The following ATRX variants were observed in gnomAD, a reference collection of about 807,000 sequenced individuals.
ATRX encodes ATRX chromatin remodeler.
Under a neutral mutation model 172.6 loss-of-function variants are expected in ATRX, and 12 were observed. That is an observed-to-expected ratio of 0.07 (90% confidence interval 0.04 to 0.11). The LOEUF is 0.11. ATRX is among the 10% of genes least tolerant of loss of function. ATRX has a pLI of 1.00. For synonymous variants in ATRX, 674 were observed against 594.7 expected (o/e 1.13, Z -1.94); for missense variants, 1,368 against 1,767.4 (o/e 0.77, Z 4.05).
rs1255627003 is a variant in ATRX, at chrX:77,654,006, C to T, written c.4317+92G>A. On this transcript the variant is annotated intron_variant, in intron 14 of 34. Coordinates refer to ENST00000373344, the MANE Select transcript of ATRX (RefSeq NM_000489.6). ...AAAATGTAAATAAGCCAGTACAATA[C>T]AATGAATGAATGGAACAGAGAGGTA... is the stretch of plus-strand genomic sequence containing the variant. 3 of 745,148 alleles carry T rather than the reference C, an allele frequency of 4.0e-6. No homozygotes were observed. In the Admixed American group the frequency reaches 6.9e-5, roughly 17 times the overall value. The allele number at this position is 745,148 out of a possible 1,213,427, so 61.4% of individuals were successfully genotyped here.
chrX:77,647,628 T>G (rs2068985757), intron 15 of ATRX, among the ~76,000 whole-genome samples: 2 of 111,932 alleles, frequency 1.8e-5, no homozygotes, highest in African/African-American at 6.5e-5. Context: ...ATACACCACA[T>G]ATTATTCAAA....
At chrX:77,665,444 C>T (rs782784494) in intron 10 of ATRX, among the ~76,000 whole-genome samples, 4 of 111,114 alleles carry the variant, frequency 3.6e-5, no homozygotes, top group Non-Finnish European at 5.7e-5. Context: ...AAAAAGAACA[C>T]GAATTACCAT....
chrX:77,523,549 G>A lies in ATRX; in HGVS notation c.6700-148C>T, dbSNP rs566974801. ...TATATGACAGATTACCTAAAAAACA[G>A]CAGCAAAACATGTAACACCAGCCTC... On this transcript the variant is annotated intron_variant, in intron 30 of 34. Transcript: ENST00000373344. The A allele has an allele frequency of 3.0e-5, 16 of 539,003 alleles. No homozygotes were observed. The Middle Eastern group carries it at 1.7e-3, about 57-fold the overall frequency. 44.4% of individuals were successfully genotyped at this position (539,003 alleles called of 1,213,427 possible). A position where few individuals can be genotyped will look rare whatever the true frequency, so the allele number is the denominator to read the frequency against.
intron 21 of ATRX, among the ~76,000 whole-genome samples, chrX:77,617,930 C>A (rs1557097759): frequency 9.1e-6 from 1 of 109,840 alleles, no homozygotes; most frequent in South Asian, 4.0e-4. Context: ...TGTCACCCAG[C>A]CTGGAGTGTA....
chrX:77,748,074 T>C (rs782541212), intron 1 of ATRX, among the ~76,000 whole-genome samples: 1 of 112,070 alleles, frequency 8.9e-6, no homozygotes, highest in South Asian at 3.7e-4. Context: ...CCCAGTGCTT[T>C]AACTAAACCC....
At chrX:77,606,370 T>C (rs1557090479) in intron 22 of ATRX, among the ~76,000 whole-genome samples, 2 of 111,072 alleles carry the variant, frequency 1.8e-5, no homozygotes. Context: ...TTCCAAGAAG[T>C]ACTAATTCCA....
intron 1 of ATRX, among the ~76,000 whole-genome samples, chrX:77,720,757 G>A (rs1249490943): frequency 8.9e-6 from 1 of 111,860 alleles, no homozygotes; most frequent in Non-Finnish European, 1.9e-5. Flanking sequence ...ACAAAGAGGA[G>A]CTGGTACCAT....
rs143177487 is a variant in ATRX, at chrX:77,773,853, A to G, written c.20+12129T>C. On this transcript the variant is annotated intron_variant, in intron 1 of 34. Transcript: ENST00000373344. Reference sequence around the variant, plus strand: ...GCTGTGAAGGACAAAACATCACTTCATAGTGTTCCTACCAAAATATATAAT... The same window carrying G: ...GCTGTGAAGGACAAAACATCACTTCGTAGTGTTCCTACCAAAATATATAAT... Among the ~76,000 whole-genome samples the G allele has an allele frequency of 4.8e-3, 533 of 111,957 alleles. 13 individuals are homozygous for G. The highest frequency in any genetic ancestry group is 0.036 in the East Asian group (128 of 3,551).
intron 27 of ATRX, among the ~76,000 whole-genome samples, chrX:77,577,142 A>AC (rs1230678634): frequency 8.9e-6 from 1 of 111,738 alleles, no homozygotes; most frequent in Non-Finnish European, 1.9e-5. Flanking sequence ...ACCCAGAAGT[A>AC]GTACTTCTGG....
intron 27 of ATRX, chrX:77,575,768 T>C (rs1557070002): frequency 8.9e-6 from 1 of 111,781 alleles, no homozygotes; most frequent in Non-Finnish European, 1.9e-5. Flanking sequence ...AAAATGAAGA[T>C]AATCAGAGTA....
At chrX:77,762,177 G>A (rs945272776) in intron 1 of ATRX, among the ~76,000 whole-genome samples, 3 of 108,696 alleles carry the variant, frequency 2.8e-5, no homozygotes, top group African/African-American at 6.7e-5. Context: ...GGTGGCAGGC[G>A]CCTGTAGTCG....
Position 77,683,380 on chromosome X carries a change from T to G in ATRX, c.1876A>C (p.Lys626Gln). Residue 626 changes from lysine to glutamine, a missense_variant, in exon 9 of 35, where the codon AAA becomes CAA. Physicochemically the swap from Lys to Gln is moderately conservative, Grantham distance 53. Coordinates refer to ENST00000373344, the MANE Select transcript of ATRX (RefSeq NM_000489.6). ...KSCGLNPKLE[K>Q]CGLGQENSDN... Reference sequence around the variant, plus strand: ...CTGTTTTCCTGTCCAAGTCCACATTTCTCTAACTTGGGGTTCAGACCACAA... The same window carrying G: ...CTGTTTTCCTGTCCAAGTCCACATTGCTCTAACTTGGGGTTCAGACCACAA... The G allele has an allele frequency of 8.3e-7, 1 of 1,211,358 alleles. No individual in the cohort carries two copies. Among genetic ancestry groups the G allele is most frequent in the African/African-American group, 1.7e-5 (1 of 57,758 alleles).
chrX:77,628,191 T>C (rs2067957303), intron 19 of ATRX, among the ~76,000 whole-genome samples: 1 of 112,810 alleles, frequency 8.9e-6, no homozygotes, highest in Non-Finnish European at 1.9e-5. Context: ...TAAAATTACA[T>C]AGATATATCT....
intron 30 of ATRX, among the ~76,000 whole-genome samples, chrX:77,544,507 G>A (rs1489910305): frequency 3.7e-5 from 4 of 109,131 alleles, no homozygotes; most frequent in Non-Finnish European, 5.7e-5. Flanking sequence ...ATGCTGGTGC[G>A]CTGCACCCAC....
chrX:77,574,136 C>A (rs191244932), intron 28 of ATRX, 114 bp downstream of exon 28: 7 of 512,784 alleles, frequency 1.4e-5, no homozygotes, highest in East Asian at 1.1e-4. Context: ...TGCAACCTGA[C>A]TGTACCTTGC....
intron 15 of ATRX, among the ~76,000 whole-genome samples, chrX:77,640,746 G>A (rs1361423879): frequency 9.0e-6 from 1 of 111,686 alleles, no homozygotes; most frequent in Non-Finnish European, 1.9e-5. Context: ...GATATATCAA[G>A]TTGAAGAAAC....
At chrX:77,570,370 T>G (rs1374120275) in intron 28 of ATRX, among the ~76,000 whole-genome samples, 1 of 108,291 alleles carries the variant, frequency 9.2e-6, no homozygotes, top group Non-Finnish European at 1.9e-5. Flanking sequence ...AGACAGGGTC[T>G]CGCTGTGATG....
intron 6 of ATRX, among the ~76,000 whole-genome samples, chrX:77,689,732 G>C (rs1424573834): frequency 7.1e-5 from 8 of 112,220 alleles, no homozygotes; most frequent in Admixed American, 6.6e-4. Flanking sequence ...CTAAACATTA[G>C]AGTCATCTGA....
At chrX:77,532,754 C>A (rs1557046852) in intron 30 of ATRX, among the ~76,000 whole-genome samples, 1 of 111,932 alleles carries the variant, frequency 8.9e-6, no homozygotes, top group Non-Finnish European at 1.9e-5. Flanking sequence ...ATGAGAAAAA[C>A]ACCAAAAGCA....
Sources: gnomAD v4.1 joint callset for allele counts (sites outside exome capture counted in the v4.1 genomes callset) on GRCh38, gnomAD v4.1.1 for gene constraint, MANE v1.5 for transcripts, NCBI Gene and HGNC (gene_info 2026-07-23, HGNC 2026-07-21) for gene names.